Variants in KIRREL3 observed in about 807,000 individuals in gnomAD.
The protein encoded by KIRREL3 is kirre like nephrin family adhesion molecule 3, also known as kin of IRRE-like protein 3.
In KIRREL3, 36 loss-of-function variants were observed where a neutral mutation model predicts 89.7. The observed-to-expected ratio is 0.40, with a 90% CI of 0.31 to 0.53. The LOEUF (loss-of-function observed/expected upper bound fraction) is 0.53, where lower values mean the gene tolerates loss of function less well. Among genes scored for constraint, KIRREL3 ranks in the 20% least tolerant of loss-of-function variants. KIRREL3 has a pLI of 0.49. For missense variants in KIRREL3, 864 were observed against 1,056.6 expected (o/e 0.82, Z 2.53); for synonymous variants, 445 against 441.4 (o/e 1.01, Z -0.10).
chr11:126,778,167 C>T lies in KIRREL3; in HGVS notation c.56-215255G>A, dbSNP rs1592114777. 6.6e-6 allele frequency among the ~76,000 whole-genome samples: 1 copy of T among 152,176 alleles called. No individual in the cohort carries two copies. The highest frequency in any genetic ancestry group is 1.5e-5 in the Non-Finnish European group (1 of 68,024). ...AACATTTCAGTGGATATCCTACACCCTTTCTAGGGTTGTATATTCATGAGA... is the reference window on the plus strand; with the variant it reads ...AACATTTCAGTGGATATCCTACACCTTTTCTAGGGTTGTATATTCATGAGA... On this transcript the variant is annotated intron_variant, in intron 1 of 16. Coordinates refer to ENST00000525144, the MANE Select transcript of KIRREL3 (RefSeq NM_032531.4). The surrounding 1 kb of genome is among the most constrained non-coding windows in gnomAD (Gnocchi z 4.5).
intron 8 of KIRREL3, among the ~76,000 whole-genome samples, chr11:126,448,347 A>G (rs1402244002): frequency 2.0e-5 from 3 of 151,922 alleles, no homozygotes; most frequent in Non-Finnish European, 4.4e-5. Context: ...CCCTCAGTGG[A>G]AGGCAGCAGA....
chr11:126,647,809 G>T lies in KIRREL3; in HGVS notation c.56-84897C>A, dbSNP rs1431737192. 6.6e-6 allele frequency among the ~76,000 whole-genome samples: 1 copy of T among 152,186 alleles called. No individual in the cohort carries two copies. Among genetic ancestry groups the T allele is most frequent in the Non-Finnish European group, 1.5e-5 (1 of 68,034 alleles). ...CTAAGTCAGAGGGAGCCGTTCCTTTGTTCAGAACGGTGCAGAGCATTCCAT... is the reference window on the plus strand; with the variant it reads ...CTAAGTCAGAGGGAGCCGTTCCTTTTTTCAGAACGGTGCAGAGCATTCCAT... On this transcript the variant is annotated intron_variant, in intron 1 of 16. Transcript: ENST00000525144. The surrounding 1 kb of genome is among the most constrained non-coding windows in gnomAD (Gnocchi z 4.9).
Position 126,827,692 on chromosome 11 carries a change from C to T in KIRREL3, c.55+172763G>A, listed in dbSNP as rs540783482. On this transcript the variant is annotated intron_variant, in intron 1 of 16. Transcript: ENST00000525144. ...TATCCCAAAGTGACTGCCTTAAAGT[C>T]GATAACAATCATTTGGGTATGTAAG... is the stretch of plus-strand genomic sequence containing the variant. Among the ~76,000 whole-genome samples, 8 of 152,266 alleles carry T rather than the reference C, an allele frequency of 5.3e-5. No homozygotes were observed. In the South Asian group the frequency reaches 1.2e-3, roughly 24 times the overall value.
At chr11:126,630,143 G>A (rs1591840521) in intron 1 of KIRREL3, among the ~76,000 whole-genome samples, 1 of 152,138 alleles carries the variant, frequency 6.6e-6, no homozygotes. Flanking sequence ...CCACATAGAC[G>A]GACTGGGTTT....
intron 1 of KIRREL3, among the ~76,000 whole-genome samples, chr11:126,581,673 A>T (rs1198724213): frequency 1.3e-5 from 2 of 151,924 alleles, no homozygotes; most frequent in Non-Finnish European, 2.9e-5. Flanking sequence ...GTGCATGGTG[A>T]GAACATTTAA....
chr11:126,947,903 G>A (rs954861174), intron 1 of KIRREL3, among the ~76,000 whole-genome samples: 8 of 152,228 alleles, frequency 5.3e-5, no homozygotes, highest in African/African-American at 7.2e-5. Flanking sequence ...TGTTCATGCT[G>A]TCAGGGGCCA....
At chr11:126,936,811 G>T (rs1000623813) in intron 1 of KIRREL3, 1 of 152,190 alleles carries the variant, frequency 6.6e-6, no homozygotes, top group African/African-American at 2.4e-5. Context: ...AGATGGAATT[G>T]TTCTAAAACT....
At chr11:126,804,464 CTT>C (rs1190451022) in intron 1 of KIRREL3, among the ~76,000 whole-genome samples, 1 of 152,170 alleles carries the variant, frequency 6.6e-6, no homozygotes, top group East Asian at 1.9e-4. Context: ...TAAATCTCCT[CTT>C]GTTTGTGGAA....
rs1591953213 is a variant in KIRREL3, at chr11:126,682,945, C to T, written c.56-120033G>A. Reference sequence around the variant, plus strand: ...AGATGCCATTAAATTACTATGACCTCCTGGGCTCAAGCAATCCTCGCACCT... The same window carrying T: ...AGATGCCATTAAATTACTATGACCTTCTGGGCTCAAGCAATCCTCGCACCT... On this transcript the variant is annotated intron_variant, in intron 1 of 16. Coordinates refer to ENST00000525144, the MANE Select transcript of KIRREL3 (RefSeq NM_032531.4). This position sits in a 1 kb window ranked among gnomAD's most constrained non-coding sequence, Gnocchi z 4.8. Among the ~76,000 whole-genome samples the T allele has an allele frequency of 1.3e-5, 2 of 152,130 alleles. No individual in the cohort carries two copies. Among genetic ancestry groups the T allele is most frequent in the Admixed American group, 1.3e-4 (2 of 15,280 alleles).
intron 1 of KIRREL3, among the ~76,000 whole-genome samples, chr11:126,706,258 A>G (rs1947525351): frequency 1.3e-5 from 2 of 152,210 alleles, no homozygotes; most frequent in African/African-American, 4.8e-5. Context: ...ATGAAGATAT[A>G]TTTGATTCAT....
At chr11:126,824,762 C>T (rs1303763788) in intron 1 of KIRREL3, among the ~76,000 whole-genome samples, 1 of 152,106 alleles carries the variant, frequency 6.6e-6, no homozygotes, top group African/African-American at 2.4e-5. Context: ...GCATTTTTAC[C>T]TGAGAGGAAG....
chr11:126,995,299 T>G lies in KIRREL3; in HGVS notation c.55+5156A>C, dbSNP rs761455603. ...GCAAGCGCCACCATTAAAGTCAAGA[T>G]CACTGTGGTGGGGGGAGTTGAAGTG... On this transcript the variant is annotated intron_variant, in intron 1 of 16. Transcript: ENST00000525144. The surrounding 1 kb of genome is among the most constrained non-coding windows in gnomAD (Gnocchi z 6.5). 8 of 456,052 alleles carry G rather than the reference T, an allele frequency of 1.8e-5. No homozygotes were observed. The highest frequency in any genetic ancestry group is 1.1e-4 in the South Asian group (7 of 64,552). 28.3% of individuals were successfully genotyped at this position (456,052 alleles called of 1,614,324 possible).
In KIRREL3 at chr11:126,994,911, A is replaced by G. The variant is rs1328085405; in HGVS notation, c.55+5544T>C. ...GAAGTATTCTGATGATCTATAAGGT[A>G]TCTATGTTCTTACTTGACCTGCACT... On this transcript the variant is annotated intron_variant, in intron 1 of 16. Transcript: ENST00000525144. This position sits in a 1 kb window ranked among gnomAD's most constrained non-coding sequence, Gnocchi z 5.2. Among the ~76,000 whole-genome samples the G allele has an allele frequency of 6.6e-6, 1 of 152,174 alleles. No individual in the cohort carries two copies. Among genetic ancestry groups the G allele is most frequent in the Non-Finnish European group, 1.5e-5 (1 of 68,040 alleles).
chr11:126,601,997 C>T lies in KIRREL3; in HGVS notation c.56-39085G>A, dbSNP rs1226226734. On this transcript the variant is annotated intron_variant, in intron 1 of 16. Coordinates refer to ENST00000525144, the MANE Select transcript of KIRREL3 (RefSeq NM_032531.4). This position sits in a 1 kb window ranked among gnomAD's most constrained non-coding sequence, Gnocchi z 5.8. ...ACAGAGTCACAGAAGCTGACCGCTG[C>T]GAGGCAGGGGCTGCGGCCTTTTCCC... Among the ~76,000 whole-genome samples the T allele has an allele frequency of 3.9e-5, 6 of 152,184 alleles. No homozygotes were observed. Among genetic ancestry groups the T allele is most frequent in the African/African-American group, 7.2e-5 (3 of 41,452 alleles).
intron 1 of KIRREL3, among the ~76,000 whole-genome samples, chr11:126,590,386 C>T (rs1469445944): frequency 6.6e-6 from 1 of 152,220 alleles, no homozygotes; most frequent in Non-Finnish European, 1.5e-5. Context: ...TGGGGCTCTT[C>T]AGCCAGCCCT....
chr11:126,600,241 A>T (rs1374261271), intron 1 of KIRREL3, among the ~76,000 whole-genome samples: 1 of 152,202 alleles, frequency 6.6e-6, no homozygotes, highest in Non-Finnish European at 1.5e-5. Context: ...ACTGACAAGC[A>T]TGTGAGTGAG....
rs1192530513 is a variant in KIRREL3 at position 126,645,490 on chromosome 11, T to G, written c.56-82578A>C. ...ATGCAGACTGAGAGCTCTAGAAATA[T>G]TTGTGGCATGAATGAAAGAATTCAT... On this transcript the variant is annotated intron_variant, in intron 1 of 16. Coordinates refer to ENST00000525144, the MANE Select transcript of KIRREL3 (RefSeq NM_032531.4). The surrounding 1 kb of genome is among the most constrained non-coding windows in gnomAD (Gnocchi z 4.9). 6.6e-6 allele frequency among the ~76,000 whole-genome samples: 1 copy of G among 152,034 alleles called. No individual in the cohort carries two copies. Among genetic ancestry groups the G allele is most frequent in the Non-Finnish European group, 1.5e-5 (1 of 68,010 alleles).
Position 126,995,449 on chromosome 11 carries a change from C to G in KIRREL3, c.55+5006G>C, listed in dbSNP as rs1462795319. Reference sequence around the variant, plus strand: ...TTGATGGACCCCAATAAAAAAACGCCTGCACTGTTTTTCACCTAAGGTCAT... The same window carrying G: ...TTGATGGACCCCAATAAAAAAACGCGTGCACTGTTTTTCACCTAAGGTCAT... On this transcript the variant is annotated intron_variant, in intron 1 of 16. Transcript: ENST00000525144. The surrounding 1 kb of genome is among the most constrained non-coding windows in gnomAD (Gnocchi z 6.5). The G allele has an allele frequency of 7.5e-6, 3 of 398,276 alleles. No individual in the cohort carries two copies. The highest frequency in any genetic ancestry group is 1.5e-5 in the Non-Finnish European group (3 of 202,286). The allele number at this position is 398,276 out of a possible 1,614,324, so 24.7% of individuals were successfully genotyped here. A position where few individuals can be genotyped will look rare whatever the true frequency, so the allele number is the denominator to read the frequency against.
At chr11:126,945,405 C>T (rs1948592830) in intron 1 of KIRREL3, among the ~76,000 whole-genome samples, 1 of 152,180 alleles carries the variant, frequency 6.6e-6, no homozygotes, top group African/African-American at 2.4e-5. Flanking sequence ...ACCCTCCTTC[C>T]AGCAGTTCAC....
Sources: gnomAD v4.1 joint callset for allele counts (sites outside exome capture counted in the v4.1 genomes callset) on GRCh38, gnomAD v4.1.1 for gene constraint, Gnocchi (gnomAD v3.1) non-coding constraint, MANE v1.5 for transcripts, NCBI Gene and HGNC (gene_info 2026-07-23, HGNC 2026-07-21) for gene names.